Variants in LAMB1 observed in about 807,000 individuals in gnomAD.
The protein encoded by LAMB1 is laminin subunit beta-1.
Under a neutral mutation model 222.3 loss-of-function variants are expected in LAMB1, and 121 were observed. The observed-to-expected ratio is 0.54, with a 90% confidence interval of 0.47 to 0.63. The LOEUF (loss-of-function observed/expected upper bound fraction) is 0.63, where lower values mean the gene tolerates loss of function less well. Ranked by LOEUF, LAMB1 falls within the 30% of genes least tolerant of loss-of-function variation. The pLI is 0.00. For missense variants in LAMB1, 2,172 were observed against 2,240.8 expected, an observed-to-expected ratio of 0.97 and a Z score of 0.62; for synonymous variants, 794 against 807.2, an observed-to-expected ratio of 0.98 and a Z score of 0.28.
Position 107,924,379 on chromosome 7 carries a change from C to T in LAMB1, c.5075G>A (p.Gly1692Asp), listed in dbSNP as rs1332188081. Residue 1692 changes from glycine (G) to aspartate (D), a missense_variant, in exon 33 of 34, where the codon GGT becomes GAT. Transcript: ENST00000222399. Reference protein sequence around the residue: ...SAEDVKKTLDGELDEKYKKVE... With the variant: ...SAEDVKKTLDDELDEKYKKVE... Reference sequence around the variant, plus strand: ...TTTTTTATACTTTTCATCAAGTTCACCATCTAAAGTCTATAGTTCCACATT... The same window carrying T: ...TTTTTTATACTTTTCATCAAGTTCATCATCTAAAGTCTATAGTTCCACATT... 1 of 1,605,864 alleles carries T rather than the reference C, an allele frequency of 6.2e-7. No homozygotes were observed. The highest frequency in any genetic ancestry group is 8.5e-7 in the Non-Finnish European group (1 of 1,175,508).
rs936191212 is a variant in LAMB1 at position 107,975,311 on chromosome 7, T to G, written c.1292A>C (p.Asn431Thr). Residue 431 changes from asparagine to threonine, a missense_variant, in exon 11 of 34, where the codon AAT (asparagine) becomes ACT (threonine). By Grantham distance (65) the Asn-to-Thr change is moderately conservative. Transcript: ENST00000222399. ...LIAGQCRCKL[N>T]VEGEHCDVCK... ...AACATCACAATGTTCTCCTTCCACA[T>G]TTAATTTACACCGACACTGGCCAGC... 5.0e-6 allele frequency: 8 copies of G among 1,613,980 alleles called. No individual in the cohort carries two copies. In the African/African-American group the frequency reaches 9.3e-5, roughly 19 times the overall value.
intron 24 of LAMB1, among the ~76,000 whole-genome samples, chr7:107,948,597 A>G (rs1376053630): frequency 6.6e-6 from 1 of 152,214 alleles, no homozygotes; most frequent in East Asian, 1.9e-4. Flanking sequence ...GGTCACGAAT[A>G]CGAATGATGT....
At chr7:107,999,666 A>G (rs550261474) in intron 3 of LAMB1, 3 of 145,436 alleles carry the variant, frequency 2.1e-5, no homozygotes, top group African/African-American at 7.9e-5. Flanking sequence ...TGTTTGAGAA[A>G]AGCATATGTC....
At chr7:107,977,148 T>C (rs1276582227) in intron 9 of LAMB1, among the ~76,000 whole-genome samples, 1 of 149,866 alleles carries the variant, frequency 6.7e-6, no homozygotes, top group Admixed American at 6.7e-5. Context: ...TAAGTATCCA[T>C]CAAGGGCCAT....
chr7:107,964,827 G>A (rs2033595610), intron 13 of LAMB1, 140 bp from the exon 14 acceptor site: 1 of 971,188 alleles, frequency 1.0e-6, no homozygotes, highest in Admixed American at 2.8e-5. Flanking sequence ...AAATACATAT[G>A]TGGAAAAAAG....
chr7:107,999,280 C>A (rs993730797), intron 3 of LAMB1, among the ~76,000 whole-genome samples: 2 of 152,302 alleles, frequency 1.3e-5, no homozygotes, highest in South Asian at 4.1e-4. Flanking sequence ...TATCTACTTC[C>A]TGTGCATTCC....
intron 32 of LAMB1, among the ~76,000 whole-genome samples, chr7:107,924,685 T>C (rs965877798): frequency 6.6e-6 from 1 of 152,192 alleles, no homozygotes; most frequent in African/African-American, 2.4e-5. Context: ...GCAAATTACA[T>C]AGAGAAGCGC....
At chr7:107,930,241 T>TG (rs1435239416) in intron 29 of LAMB1, among the ~76,000 whole-genome samples, 2 of 152,090 alleles carry the variant, frequency 1.3e-5, no homozygotes, top group Non-Finnish European at 2.9e-5. Context: ...TGGAAGATGG[T>TG]GAAAAAAAAA....
chr7:107,964,128 T>C (rs2033574993), intron 14 of LAMB1, among the ~76,000 whole-genome samples: 1 of 152,132 alleles, frequency 6.6e-6, no homozygotes, highest in Non-Finnish European at 1.5e-5. Context: ...GTCGTGTTCG[T>C]GTGGAGAGAA....
chr7:107,998,329 G>T, intron 4 of LAMB1, 28 bp downstream of exon 4: 1 of 1,611,580 alleles, frequency 6.2e-7, no homozygotes, highest in African/African-American at 1.3e-5. Context: ...CACACTCAAC[G>T]GAACTTGTCC....
chr7:107,978,221 CG>C (rs1554410559), intron 8 of LAMB1, 54 bp from the exon 9 acceptor site: 7 of 1,583,002 alleles, frequency 4.4e-6, no homozygotes, highest in Non-Finnish European at 6.0e-6. Context: ...TGAATAGCCA[CG>C]TTTCTCCATA....
chr7:107,959,152 G>C (rs1453226609), intron 20 of LAMB1, 97 bp downstream of exon 20: 7 of 922,980 alleles, frequency 7.6e-6, no homozygotes, highest in Non-Finnish European at 1.2e-5. Context: ...GAATGAGCGA[G>C]CTGAAGCCTG....
intron 7 of LAMB1, among the ~76,000 whole-genome samples, chr7:107,985,595 C>T (rs1209624075): frequency 6.6e-6 from 1 of 151,910 alleles, no homozygotes; most frequent in Non-Finnish European, 1.5e-5. Flanking sequence ...CGCCACTGCA[C>T]TCCAGCCTGG....
At chr7:107,932,823 C>A (rs881177) in intron 27 of LAMB1, among the ~76,000 whole-genome samples, 90,573 of 151,660 alleles carry the variant, frequency 0.6, 27,414 homozygotes, top group East Asian at 0.85. Context: ...AGATCTATTA[C>A]CTAGCGTTTT....
In LAMB1 at chr7:107,939,975, C is replaced by T; in HGVS notation, c.3761+14G>A. ...AGCTTTATGAGTAATTCCTCTGGCTCATTAACTACTTACTCTGCTTCCTCA... is the reference window on the plus strand; with the variant it reads ...AGCTTTATGAGTAATTCCTCTGGCTTATTAACTACTTACTCTGCTTCCTCA... On this transcript the variant is annotated intron_variant, in intron 25 of 33. Transcript: ENST00000222399. 6.2e-7 allele frequency: 1 copy of T among 1,607,146 alleles called. No individual in the cohort carries two copies. Among genetic ancestry groups the T allele is most frequent in the Non-Finnish European group, 8.5e-7 (1 of 1,174,926 alleles).
At chr7:107,976,031 C>T (rs1162021051) in intron 9 of LAMB1, among the ~76,000 whole-genome samples, 154 bp from the exon 10 acceptor site, 1 of 152,058 alleles carries the variant, frequency 6.6e-6, no homozygotes, top group Non-Finnish European at 1.5e-5. Context: ...GACGCATCCA[C>T]CGATGACACT....
intron 4 of LAMB1, among the ~76,000 whole-genome samples, chr7:107,997,529 A>T (rs772755242): frequency 1.3e-5 from 2 of 152,234 alleles, no homozygotes; most frequent in Non-Finnish European, 2.9e-5. Flanking sequence ...AAGCCTGCCC[A>T]GGTGTACTGC....
At position 107,986,231 on chromosome 7, in the gene LAMB1, C is replaced by T. The variant is rs556808267; in HGVS notation, c.556G>A (p.Asp186Asn). ...TATCGAGAATCACAAATTATGTCAT[C>T]GACTTTTTTCATGGGGCCAGTTGAA... is the stretch of plus-strand genomic sequence containing the variant. ...GISTGPMKKV[D>N]DIICDSRYSD... The change falls in exon 6 of 34, where the codon GAT (aspartate) becomes AAT (asparagine). Residue 186 changes from aspartate (D) to asparagine (N), a missense_variant. Transcript: ENST00000222399. 5.0e-6 allele frequency: 8 copies of T among 1,614,102 alleles called. No individual in the cohort carries two copies. Among genetic ancestry groups the T allele is most frequent in the South Asian group, 2.2e-5 (2 of 91,074 alleles).
chr7:107,974,964 C>T, intron 12 of LAMB1, 22 bp downstream of exon 12: 1 of 1,341,648 alleles, frequency 7.5e-7, no homozygotes, highest in South Asian at 1.2e-5. Flanking sequence ...CCACCCATCC[C>T]ACGTAATGAG....
Sources: gnomAD v4.1 joint callset for allele counts (sites outside exome capture counted in the v4.1 genomes callset) on GRCh38, gnomAD v4.1.1 for gene constraint, MANE v1.5 for transcripts, NCBI Gene and HGNC (gene_info 2026-07-23, HGNC 2026-07-21) for gene names.